Variants in CUL5 observed in about 807,000 individuals in gnomAD.
CUL5 encodes the protein cullin 5, also known as cullin-5.
A neutral mutation model predicts 108.8 loss-of-function variants in CUL5; 26 were observed. The observed-to-expected ratio is 0.24, with a 90% confidence interval of 0.18 to 0.33. The LOEUF (loss-of-function observed/expected upper bound fraction) is 0.33. CUL5 is among the 10% of genes least tolerant of loss of function. The pLI is 1.00. For missense variants in CUL5, 524 were observed against 909.2 expected (o/e 0.58, Z 5.45); for synonymous variants, 334 against 298.0 (o/e 1.12, Z -1.25).
rs1018441669 is a variant in CUL5 at position 108,105,097 on chromosome 11, G to A, written c.*713G>A. The A allele has an allele frequency of 1.3e-5, 2 of 151,558 alleles. No individual in the cohort carries two copies. Among genetic ancestry groups the A allele is most frequent in the Admixed American group, 1.3e-4 (2 of 15,204 alleles). The allele number at this position is 151,558 out of a possible 1,614,324, so 9.4% of individuals were successfully genotyped here. A position where few individuals can be genotyped will look rare whatever the true frequency, so the allele number is the denominator to read the frequency against. On this transcript the variant is annotated 3_prime_UTR_variant, in exon 19 of 19. Coordinates refer to ENST00000393094, the MANE Select transcript of CUL5 (RefSeq NM_003478.6). Reference sequence around the variant, plus strand: ...TTTTTTTTTTAAATATGGCTGGAAAGCTTGTTTTGAAAAATGAAGCTTATA... The same window carrying A: ...TTTTTTTTTTAAATATGGCTGGAAAACTTGTTTTGAAAAATGAAGCTTATA...
intron 3 of CUL5, among the ~76,000 whole-genome samples, chr11:108,048,648 C>CTTTTT (rs200991204): frequency 5.3e-4 from 62 of 116,854 alleles, no homozygotes; most frequent in Middle Eastern, 4.1e-3. Context: ...ACTCCACCAC[C>CTTTTT]TTTTTTTTTT....
chr11:108,039,208 T>C (rs1459735066), intron 2 of CUL5, among the ~76,000 whole-genome samples: 1 of 152,032 alleles, frequency 6.6e-6, no homozygotes, highest in South Asian at 2.1e-4. Context: ...TTAGTAGAGA[T>C]GGGGTTTCTT....
chr11:108,024,423 A>C (rs1464566994), intron 1 of CUL5, among the ~76,000 whole-genome samples: 1 of 152,012 alleles, frequency 6.6e-6, no homozygotes, highest in Non-Finnish European at 1.5e-5. Flanking sequence ...ATCTTGTCTC[A>C]AAAAATAATA....
At chr11:108,038,734 A>G (rs1862811422) in intron 2 of CUL5, among the ~76,000 whole-genome samples, 1 of 151,924 alleles carries the variant, frequency 6.6e-6, no homozygotes, top group East Asian at 1.9e-4. Context: ...AGTTCAGTGT[A>G]TCGTCCTTTT....
chr11:108,039,169 C>T (rs995737109), intron 2 of CUL5, among the ~76,000 whole-genome samples: 1 of 152,034 alleles, frequency 6.6e-6, no homozygotes, highest in Non-Finnish European at 1.5e-5. Flanking sequence ...TACAGGCATG[C>T]ACCACCACAC....
Position 108,074,319 on chromosome 11 carries a change from C to T in CUL5, c.1113+822C>T, listed in dbSNP as rs765478297. Among the ~76,000 whole-genome samples, 17 of 150,694 alleles carry T rather than the reference C, an allele frequency of 1.1e-4. 1 individual carries two copies. Among genetic ancestry groups the T allele is most frequent in the African/African-American group, 2.4e-4 (10 of 40,950 alleles). On this transcript the variant is annotated intron_variant, in intron 10 of 18. Transcript: ENST00000393094. ...AAGCGATTCTCCTGCCTCAGCCTCT[C>T]GAGTAGCTGGGATTACAGGGACCAA...
intron 16 of CUL5, among the ~76,000 whole-genome samples, chr11:108,096,564 C>CTTTTTTTTTTTTTTTTTT (rs71047671): frequency 2.2e-5 from 1 of 45,820 alleles, no homozygotes; most frequent in African/African-American, 8.5e-5. Flanking sequence ...CAGCTATGTA[C>CTTTTTTTTTTTTTTTTTT]TTTTTTTTTT....
chr11:108,072,460 A>G lies in CUL5; in HGVS notation c.1003A>G (p.Thr335Ala). The change falls in exon 9 of 19, where the codon ACT becomes GCT. Residue 335 changes from threonine (T) to alanine (A), a missense_variant and splice_region_variant. This residue lies in a region of CUL5 where 170 missense variants were observed against 305.1 expected (regional missense o/e 0.56). Coordinates refer to ENST00000393094, the MANE Select transcript of CUL5 (RefSeq NM_003478.6). Reference protein sequence around the residue: ...DMVAAAETITTDSEKYVEQLL... With the variant: ...DMVAAAETITADSEKYVEQLL... ...GGTAGCAGCTGCTGAAACTATTACT[A>G]CTGTAAGTTTTTTTTCAATGGCAAT... 3.1e-6 allele frequency: 5 copies of G among 1,602,334 alleles called. No homozygotes were observed. Among genetic ancestry groups the G allele is most frequent in the Non-Finnish European group, 4.3e-6 (5 of 1,176,012 alleles).
At chr11:108,101,051 A>T (rs996043185) in intron 18 of CUL5, among the ~76,000 whole-genome samples, 3 of 152,210 alleles carry the variant, frequency 2.0e-5, no homozygotes, top group Non-Finnish European at 4.4e-5. Context: ...GAAATGTATA[A>T]GCGGGTGTAG....
rs143096908 is a variant in CUL5 at position 108,046,221 on chromosome 11, C to T, written c.135-49C>T. ...GAAATAGAATTTAAGATGTTTTGTT[C>T]AGTTCTTGTTTCATTATTAATGTTT... On this transcript the variant is annotated intron_variant, in intron 2 of 18. Transcript: ENST00000393094. 1,360 of 1,264,540 alleles carry T rather than the reference C, an allele frequency of 1.1e-3. 25 individuals carry two copies. The Admixed American group carries it at 0.025, about 23-fold the overall frequency. The allele number at this position is 1,264,540 out of a possible 1,614,324, so 78.3% of individuals were successfully genotyped here.
intron 2 of CUL5, 125 bp downstream of exon 2, chr11:108,034,036 T>C (rs1157684857): frequency 2.4e-5 from 15 of 631,292 alleles, no homozygotes; most frequent in East Asian, 1.7e-4. Context: ...ACTAGTTACA[T>C]TGAGGGTCTC....
chr11:108,024,923 ACT>A (rs1170372034), intron 1 of CUL5, among the ~76,000 whole-genome samples: 3 of 151,994 alleles, frequency 2.0e-5, no homozygotes, highest in South Asian at 2.1e-4. Context: ...TGTCTTTCTG[ACT>A]CTCTCTAGTG....
chr11:108,024,707 T>G (rs1862415197), intron 1 of CUL5, among the ~76,000 whole-genome samples: 1 of 152,238 alleles, frequency 6.6e-6, no homozygotes, highest in Non-Finnish European at 1.5e-5. Flanking sequence ...AGAAGTCTTT[T>G]GTACAACAGA....
intron 18 of CUL5, among the ~76,000 whole-genome samples, chr11:108,099,906 A>G (rs12790410): frequency 6.8e-6 from 1 of 146,858 alleles, no homozygotes; most frequent in Non-Finnish European, 1.5e-5. Flanking sequence ...CAAAAAAAAA[A>G]TTTTTTTTTT....
chr11:108,035,206 A>G (rs1424349133), intron 2 of CUL5, among the ~76,000 whole-genome samples: 1 of 152,226 alleles, frequency 6.6e-6, no homozygotes, highest in African/African-American at 2.4e-5. Context: ...CGAAGGGGCT[A>G]CACTCTTTGT....
intron 1 of CUL5, among the ~76,000 whole-genome samples, chr11:108,030,819 T>C (rs973661263): frequency 6.6e-6 from 1 of 152,218 alleles, no homozygotes; most frequent in Non-Finnish European, 1.5e-5. Flanking sequence ...TTTATGTAAT[T>C]TTATCATGAA....
At chr11:108,077,844 C>T (rs997792463) in intron 10 of CUL5, among the ~76,000 whole-genome samples, 12 of 151,644 alleles carry the variant, frequency 7.9e-5, no homozygotes, top group African/African-American at 2.9e-4. Context: ...ACCCAGGAGG[C>T]CAGCTAAGAC....
intron 7 of CUL5, among the ~76,000 whole-genome samples, chr11:108,066,686 T>C (rs901832309): frequency 1.3e-5 from 2 of 152,244 alleles, no homozygotes; most frequent in Non-Finnish European, 2.9e-5. Context: ...GAGCAAATTA[T>C]AGACTGCCTT....
Position 108,060,229 on chromosome 11 carries a change from G to A in CUL5, c.780+5274G>A, listed in dbSNP as rs10502101. 9.7e-3 allele frequency among the ~76,000 whole-genome samples: 1,474 copies of A among 152,120 alleles called. 35 individuals are homozygous for A. Among genetic ancestry groups the A allele is most frequent in the African/African-American group, 0.033 (1,385 of 41,494 alleles). On this transcript the variant is annotated intron_variant, in intron 7 of 18. Transcript: ENST00000393094. ...TTAAGCTTGGTGTTCAAAAAGACAAGGTGATCCAGACTTTTGTAGTGCCAC... is the reference window on the plus strand; with the variant it reads ...TTAAGCTTGGTGTTCAAAAAGACAAAGTGATCCAGACTTTTGTAGTGCCAC...
Sources: allele counts gnomAD v4.1 joint callset (sites outside exome capture counted in the v4.1 genomes callset), GRCh38; gene constraint gnomAD v4.1.1; regional missense constraint gnomAD v4.1.1; transcripts MANE v1.5; gene names NCBI Gene and HGNC (gene_info 2026-07-23, HGNC 2026-07-21).